The following KIAA1549L variants were observed in gnomAD, a reference collection of about 807,000 sequenced individuals.
KIAA1549L encodes the protein KIAA1549 like.
KIAA1549L carries 88 observed loss-of-function variants against 160.7 expected under a neutral mutation model. The ratio of observed to expected loss-of-function variants is 0.55; its 90% CI spans 0.46 to 0.65. KIAA1549L has a LOEUF of 0.65. KIAA1549L is among the 30% of genes least tolerant of loss of function. The probability of loss-of-function intolerance (pLI) is 0.00; values close to 1 mark genes in which losing one functional copy is unlikely to be tolerated. For missense variants in KIAA1549L, 2,258 were observed against 2,437.5 expected (o/e 0.93, Z 1.55); for synonymous variants, 950 against 976.7 (o/e 0.97, Z 0.51).
At chr11:33,452,139 T>G (rs1851733266) in intron 1 of KIAA1549L, among the ~76,000 whole-genome samples, 1 of 152,128 alleles carries the variant, frequency 6.6e-6, no homozygotes, top group Admixed American at 6.5e-5. Context: ...CAAAAAACCA[T>G]CTTCATTTGC....
intron 20 of KIAA1549L, among the ~76,000 whole-genome samples, chr11:33,667,298 G>A (rs1472955640): frequency 6.6e-6 from 1 of 151,960 alleles, no homozygotes; most frequent in Non-Finnish European, 1.5e-5. Flanking sequence ...TCTTCCTAAG[G>A]TTTTTCAGCA....
chr11:33,594,375 T>C (rs1222118387), intron 12 of KIAA1549L, among the ~76,000 whole-genome samples: 1 of 152,214 alleles, frequency 6.6e-6, no homozygotes. Context: ...TGGATGGTTC[T>C]TCTGGTCTCA....
intron 1 of KIAA1549L, among the ~76,000 whole-genome samples, chr11:33,527,335 A>C (rs953176596): frequency 5.2e-4 from 79 of 152,340 alleles, no homozygotes; most frequent in African/African-American, 1.8e-3. Context: ...AAACAATGTA[A>C]AATGGGGAAA....
At chr11:33,628,816 G>A (rs1490991478) in intron 16 of KIAA1549L, among the ~76,000 whole-genome samples, 1 of 151,206 alleles carries the variant, frequency 6.6e-6, no homozygotes, top group African/African-American at 2.4e-5. Flanking sequence ...GTGTGAATTT[G>A]ATCCTGTCAT....
At chr11:33,506,089 A>G (rs1853079409) in intron 1 of KIAA1549L, among the ~76,000 whole-genome samples, 2 of 152,234 alleles carry the variant, frequency 1.3e-5, no homozygotes, top group South Asian at 4.1e-4. Flanking sequence ...TGGCAGAGCC[A>G]GGATTTGAAC....
rs1266743925 is a variant in KIAA1549L at position 33,455,436 on chromosome 11, G to A, written c.238+78547G>A. On this transcript the variant is annotated intron_variant, in intron 1 of 20. Coordinates refer to ENST00000658780, the MANE Select transcript of KIAA1549L (RefSeq NM_012194.3). ...GGACATTAAAGCTTTAGAAAGTCAG[G>A]GGGAGACAAGATTCCTGGGGGCTGG... 2.0e-5 allele frequency among the ~76,000 whole-genome samples: 3 copies of A among 152,140 alleles called. No homozygotes were observed. In the East Asian group the frequency reaches 5.8e-4, roughly 29 times the overall value.
Position 33,545,215 on chromosome 11 carries a change from G to A in KIAA1549L, c.3222G>A (p.Ala1074=), listed in dbSNP as rs960703690. The A allele has an allele frequency of 1.8e-5, 29 of 1,613,954 alleles. No homozygotes were observed. In the Admixed American group the frequency reaches 1.8e-4, roughly 10 times the overall value. ...CACGCCCACTGACAGTCACGGCCGC[G>A]CTGACATCCATTACAGCCTCAGTGA... ...STPRPLTVTA[A]LTSITASVKA... The change falls in exon 3 of 21, where the codon GCG becomes GCA. Residue 1074 remains alanine, a synonymous_variant. Transcript: ENST00000658780.
At chr11:33,538,613 T>C (rs1171984699) in intron 1 of KIAA1549L, among the ~76,000 whole-genome samples, 1 of 152,130 alleles carries the variant, frequency 6.6e-6, no homozygotes, top group East Asian at 1.9e-4. Context: ...ATGGTGGTTA[T>C]CTCTGGGGAG....
At chr11:33,495,452 G>T (rs1470995635) in intron 1 of KIAA1549L, among the ~76,000 whole-genome samples, 2 of 151,970 alleles carry the variant, frequency 1.3e-5, no homozygotes, top group Non-Finnish European at 2.9e-5. Context: ...CAAAGGACAT[G>T]AACTCATCAT....
At chr11:33,665,905 G>A (rs1852432971) in intron 20 of KIAA1549L, among the ~76,000 whole-genome samples, 1 of 152,188 alleles carries the variant, frequency 6.6e-6, no homozygotes, top group African/African-American at 2.4e-5. Context: ...GCAGGCTGAT[G>A]CCCAGTCTTG....
At chr11:33,439,187 C>T (rs1176518682) in intron 1 of KIAA1549L, among the ~76,000 whole-genome samples, 19 of 152,086 alleles carry the variant, frequency 1.2e-4, no homozygotes, top group Admixed American at 5.9e-4. Flanking sequence ...GCTGGGATTA[C>T]GGGTGTGAGC....
Position 33,660,878 on chromosome 11 carries a change from C to T in KIAA1549L, c.6023C>T (p.Ala2008Val). The change falls in exon 20 of 21, where the codon GCA (alanine) becomes GTA (valine). Residue 2008 changes from alanine to valine, a missense_variant. By Grantham distance (64) the Ala-to-Val change is moderately conservative (BLOSUM62 0). Transcript: ENST00000658780. ...ALNYSGNTVP[A>V]VFAIPAANRP... ...TCCATGCCAGGTAATACGGTGCCAG[C>T]AGTGTTCGCCATCCCAGCTGCCAAC... is the stretch of plus-strand genomic sequence containing the variant. The T allele has an allele frequency of 1.2e-6, 2 of 1,613,886 alleles. No individual in the cohort carries two copies. The highest frequency in any genetic ancestry group is 2.2e-5 in the South Asian group (2 of 91,032).
intron 16 of KIAA1549L, among the ~76,000 whole-genome samples, chr11:33,628,735 A>T: frequency 6.7e-6 from 1 of 150,240 alleles, no homozygotes; most frequent in Admixed American, 6.6e-5. Context: ...TTGACTCTTT[A>T]TCCAATTTGC....
chr11:33,435,818 G>GTGTGTGTGTGTGTGTGTA (rs1554976830), intron 1 of KIAA1549L, among the ~76,000 whole-genome samples: 20 of 45,320 alleles, frequency 4.4e-4, no homozygotes, highest in Non-Finnish European at 5.6e-4. Flanking sequence ...ATATGTGTGT[G>GTGTGTGTGTGTGTGTGTA]TATATATATA....
chr11:33,377,340 A>T (rs1171748229), intron 1 of KIAA1549L, among the ~76,000 whole-genome samples: 1 of 152,164 alleles, frequency 6.6e-6, no homozygotes, highest in African/African-American at 2.4e-5. Context: ...TCCTGTGTTG[A>T]TAGCGGAACC....
chr11:33,427,009 A>G (rs1485804636), intron 1 of KIAA1549L, among the ~76,000 whole-genome samples: 5 of 152,176 alleles, frequency 3.3e-5, no homozygotes, highest in Admixed American at 1.3e-4. Flanking sequence ...GGGGAAACTT[A>G]GGGATAAATA....
At chr11:33,667,403 T>A (rs1207975651) in intron 20 of KIAA1549L, among the ~76,000 whole-genome samples, 1 of 152,082 alleles carries the variant, frequency 6.6e-6, no homozygotes, top group Non-Finnish European at 1.5e-5. Flanking sequence ...ATTACCTTTT[T>A]TTTTTTTGAG....
intron 11 of KIAA1549L, among the ~76,000 whole-genome samples, chr11:33,590,263 G>A (rs1850012858): frequency 6.6e-6 from 1 of 152,166 alleles, no homozygotes; most frequent in Admixed American, 6.5e-5. Context: ...AAACTGATGA[G>A]CAGAGAGTTG....
At chr11:33,536,792 A>G (rs1056612682) in intron 1 of KIAA1549L, among the ~76,000 whole-genome samples, 1 of 152,242 alleles carries the variant, frequency 6.6e-6, no homozygotes, top group African/African-American at 2.4e-5. Context: ...TCCATCTCCC[A>G]TGCAGGGCTC....
Sources: allele counts gnomAD v4.1 joint callset (sites outside exome capture counted in the v4.1 genomes callset), GRCh38; gene constraint gnomAD v4.1.1; transcripts MANE v1.5; gene names NCBI Gene and HGNC (gene_info 2026-07-23, HGNC 2026-07-21).